IL4R: variants seen among roughly 807,000 people sequenced by gnomAD.
IL4R encodes interleukin-4 receptor subunit alpha.
Under a neutral mutation model 41.5 loss-of-function variants are expected in IL4R, and 17 were observed. The ratio of observed to expected loss-of-function variants is 0.41; its 90% confidence interval spans 0.28 to 0.61. IL4R has a LOEUF of 0.61. Ranked by LOEUF, IL4R falls within the 20% of genes least tolerant of loss-of-function variation. IL4R has a pLI of 0.31. For synonymous variants in IL4R, 402 were observed against 422.9 expected, an observed-to-expected ratio of 0.95 and a Z score of 0.61; for missense variants, 974 against 1,043.1, an observed-to-expected ratio of 0.93 and a Z score of 0.91.
intron 3 of IL4R, among the ~76,000 whole-genome samples, chr16:27,340,641 G>A (rs1334767959): frequency 6.6e-6 from 1 of 152,130 alleles, no homozygotes; most frequent in Non-Finnish European, 1.5e-5. Context: ...AGGATCCCTT[G>A]AACTCAGGAG....
At chr16:27,335,011 G>A (rs888984076) in intron 2 of IL4R, among the ~76,000 whole-genome samples, 11 of 152,136 alleles carry the variant, frequency 7.2e-5, no homozygotes, top group East Asian at 1.9e-4. Flanking sequence ...GATGTCCCAC[G>A]CTGGCTTGTC....
intron 1 of IL4R, among the ~76,000 whole-genome samples, chr16:27,328,347 G>A (rs1190988782): frequency 7.3e-5 from 11 of 151,286 alleles, no homozygotes; most frequent in Admixed American, 5.9e-4. Context: ...GGGTTCAAGC[G>A]ATTCTCCTGC....
At chr16:27,332,854 A>G (rs1220485524) in intron 2 of IL4R, among the ~76,000 whole-genome samples, 1 of 151,830 alleles carries the variant, frequency 6.6e-6, no homozygotes, top group Non-Finnish European at 1.5e-5. Flanking sequence ...ACCGATTTTG[A>G]TAGGCTATAT....
At chr16:27,347,880 A>G (rs1197964914) in intron 6 of IL4R, among the ~76,000 whole-genome samples, 3 of 152,238 alleles carry the variant, frequency 2.0e-5, no homozygotes, top group Non-Finnish European at 4.4e-5. Flanking sequence ...AAGGTGTGTG[A>G]TACAGATGAG....
chr16:27,329,694 T>A (rs1226485139), intron 1 of IL4R, among the ~76,000 whole-genome samples: 2 of 139,256 alleles, frequency 1.4e-5, no homozygotes, highest in Non-Finnish European at 3.1e-5. Flanking sequence ...AAAAAAAAAA[T>A]CTAGGGAAGT....
At chr16:27,326,274 T>C (rs80329230) in intron 1 of IL4R, among the ~76,000 whole-genome samples, 1,669 of 152,282 alleles carry the variant, frequency 0.011, 34 homozygotes, top group African/African-American at 0.034. Flanking sequence ...AAGGAATGAA[T>C]GAATGAATGG....
intron 6 of IL4R, among the ~76,000 whole-genome samples, chr16:27,347,425 A>G (rs891274628): frequency 2.0e-5 from 3 of 152,186 alleles, no homozygotes; most frequent in Admixed American, 2.0e-4. Context: ...TCCTGACCTC[A>G]GATGATCCAC....
At chr16:27,337,843 C>T (rs778509563) in intron 2 of IL4R, among the ~76,000 whole-genome samples, 13 of 151,868 alleles carry the variant, frequency 8.6e-5, no homozygotes, top group Middle Eastern at 3.4e-3. Context: ...TGAGCCACCA[C>T]GCCCGGCCCC....
intron 9 of IL4R, 98 bp from the exon 10 acceptor site, chr16:27,360,668 T>C (rs1390759789): frequency 1.4e-6 from 2 of 1,413,448 alleles, no homozygotes; most frequent in Non-Finnish European, 1.0e-6. Flanking sequence ...TTCTGATCTG[T>C]GTGATGTCGA....
Position 27,329,884 on chromosome 16 carries a change from A to G in IL4R, c.-151-182A>G, listed in dbSNP as rs558199938. ...CCGCATTAGTTGAGGGGGGTCAGAGAAGGCTTCTGAAGTGTTTCTGGTGCA... is the reference window on the plus strand; with the variant it reads ...CCGCATTAGTTGAGGGGGGTCAGAGGAGGCTTCTGAAGTGTTTCTGGTGCA... On this transcript the variant is annotated intron_variant, in intron 1 of 10. Coordinates refer to ENST00000395762, the MANE Select transcript of IL4R (RefSeq NM_000418.4). Among the ~76,000 whole-genome samples, 5 of 152,012 alleles carry G rather than the reference A, an allele frequency of 3.3e-5. No homozygotes were observed. The South Asian group carries it at 8.3e-4, about 25-fold the overall frequency.
intron 2 of IL4R, among the ~76,000 whole-genome samples, chr16:27,337,124 A>G (rs1422100471): frequency 6.6e-6 from 1 of 151,916 alleles, no homozygotes; most frequent in African/African-American, 2.4e-5. Context: ...AAAAAACAAA[A>G]AAGAAGAAGT....
intron 1 of IL4R, among the ~76,000 whole-genome samples, chr16:27,329,811 T>C (rs2085063403): frequency 6.6e-6 from 1 of 152,074 alleles, no homozygotes. Flanking sequence ...TGATAAGTAC[T>C]GGGACAGACA....
intron 1 of IL4R, among the ~76,000 whole-genome samples, chr16:27,323,910 C>T (rs1271294619): frequency 6.6e-6 from 1 of 152,156 alleles, no homozygotes; most frequent in African/African-American, 2.4e-5. Context: ...CTACCTGCCT[C>T]AGCCTCCCAA....
At chr16:27,336,801 G>A (rs1287853929) in intron 2 of IL4R, among the ~76,000 whole-genome samples, 3 of 151,844 alleles carry the variant, frequency 2.0e-5, no homozygotes, top group South Asian at 2.1e-4. Context: ...GGTGGCAGCC[G>A]GGCTCAGTGG....
At chr16:27,333,992 C>T (rs1244725404) in intron 2 of IL4R, among the ~76,000 whole-genome samples, 1 of 152,022 alleles carries the variant, frequency 6.6e-6, no homozygotes, top group Non-Finnish European at 1.5e-5. Flanking sequence ...AAGCCATTCT[C>T]CTGCCTCAGC....
chr16:27,341,249 G>A (rs750130950), intron 3 of IL4R: 2 of 657,226 alleles, frequency 3.0e-6, no homozygotes, highest in South Asian at 3.3e-5. Flanking sequence ...CAAGATTTCT[G>A]ACCTAAACTA....
chr16:27,342,044 C>T (rs1003024366), intron 3 of IL4R, 77 bp from the exon 4 acceptor site: 14 of 1,534,128 alleles, frequency 9.1e-6, no homozygotes, highest in Non-Finnish European at 1.2e-5. Flanking sequence ...TGCTATTCCC[C>T]TTGGTCCTGT....
At chr16:27,326,555 A>G (rs754289314) in intron 1 of IL4R, among the ~76,000 whole-genome samples, 4 of 152,104 alleles carry the variant, frequency 2.6e-5, no homozygotes, top group Non-Finnish European at 5.9e-5. Context: ...AGTCACAACT[A>G]CTTGGGAGGC....
intron 1 of IL4R, among the ~76,000 whole-genome samples, chr16:27,325,312 C>T (rs561431806): frequency 6.6e-6 from 1 of 152,276 alleles, no homozygotes; most frequent in East Asian, 1.9e-4. Flanking sequence ...TGGCTCACGC[C>T]TGTAATCCCA....
Sources: allele counts gnomAD v4.1 joint callset (sites outside exome capture counted in the v4.1 genomes callset), GRCh38; gene constraint gnomAD v4.1.1; transcripts MANE v1.5; gene names NCBI Gene and HGNC (gene_info 2026-07-23, HGNC 2026-07-21).